The following FAH variants were observed in gnomAD, a reference collection of about 807,000 sequenced individuals.
FAH encodes the protein fumarylacetoacetase.
FAH carries 47 observed loss-of-function variants against 55.8 expected under a neutral mutation model. The ratio of observed to expected loss-of-function variants is 0.84; its 90% CI spans 0.67 to 1.07. The LOEUF (loss-of-function observed/expected upper bound fraction) is 1.07. FAH is among the 50% of genes least tolerant of loss of function. FAH has a pLI of 0.00. For missense variants in FAH, 495 were observed against 545.9 expected (o/e 0.91, Z 0.93); for synonymous variants, 199 against 207.7 (o/e 0.96, Z 0.36).
intron 1 of FAH, among the ~76,000 whole-genome samples, chr15:80,155,723 G>T (rs192946349): frequency 4.9e-4 from 75 of 152,244 alleles, no homozygotes; most frequent in African/African-American, 1.6e-3. Flanking sequence ...GACAAGGGGG[G>T]CAGGGTAGGG....
intron 10 of FAH, among the ~76,000 whole-genome samples, chr15:80,176,340 CTCTG>C (rs1418573487): frequency 6.6e-6 from 1 of 152,170 alleles, no homozygotes; most frequent in Non-Finnish European, 1.5e-5. Context: ...CTTCTGTCTG[CTCTG>C]TCTGTACACT....
At chr15:80,159,947 G>A in intron 3 of FAH, 70 bp downstream of exon 3, 3 of 1,568,850 alleles carry the variant, frequency 1.9e-6, no homozygotes, top group Non-Finnish European at 2.6e-6. Flanking sequence ...GTGGTTATCA[G>A]TGCCATTCTG....
At chr15:80,155,187 T>C (rs1262663480) in intron 1 of FAH, among the ~76,000 whole-genome samples, 1 of 152,170 alleles carries the variant, frequency 6.6e-6, no homozygotes, top group Non-Finnish European at 1.5e-5. Flanking sequence ...CCAGCCTTGG[T>C]TATCTCTCAC....
intron 2 of FAH, among the ~76,000 whole-genome samples, 190 bp from the exon 3 acceptor site, chr15:80,159,566 C>T (rs576360356): frequency 4.6e-5 from 7 of 152,280 alleles, no homozygotes; most frequent in South Asian, 2.1e-4. Context: ...CCTGAGGCAA[C>T]GTCAAGAGAG....
intron 5 of FAH, chr15:80,167,130 A>C (rs963156467): frequency 6.7e-5 from 10 of 150,290 alleles, no homozygotes; most frequent in African/African-American, 2.4e-4. Context: ...ATTTCCTTTT[A>C]TGTGTGAGGT....
Position 80,162,188 on chromosome 15 carries a change from C to A in FAH, c.365-58C>A. On this transcript the variant is annotated intron_variant, in intron 4 of 13. Coordinates refer to ENST00000561421, the MANE Select transcript of FAH (RefSeq NM_000137.4). Reference sequence around the variant, plus strand: ...TCGTGGCTCCAGTGCTTGGAACAGTCCATTCTTCCTGAGGCATGTGGGTTG... The same window carrying A: ...TCGTGGCTCCAGTGCTTGGAACAGTACATTCTTCCTGAGGCATGTGGGTTG... 4.5e-6 allele frequency: 6 copies of A among 1,336,470 alleles called. No individual in the cohort carries two copies. In the East Asian group the frequency reaches 1.1e-4, roughly 25 times the overall value. 82.8% of individuals were successfully genotyped at this position (1,336,470 alleles called of 1,614,324 possible).
upstream of FAH, chr15:80,152,976 G>C: frequency 7.7e-7 from 1 of 1,305,250 alleles, no homozygotes; most frequent in Non-Finnish European, 1.1e-6. Flanking sequence ...GCGGGGCCGG[G>C]CCTGACCACA....
At chr15:80,175,133 A>ACACATTGCCTCAG in intron 10 of FAH, 42 bp downstream of exon 10, 1 of 1,561,788 alleles carries the variant, frequency 6.4e-7, no homozygotes, top group Non-Finnish European at 8.8e-7. Context: ...GCTCTGAGGC[A>ACACATTGCCTCAG]ATGTGTGCCT....
intron 9 of FAH, among the ~76,000 whole-genome samples, chr15:80,174,028 C>A (rs1490990670): frequency 6.6e-6 from 1 of 152,214 alleles, no homozygotes; most frequent in Non-Finnish European, 1.5e-5. Flanking sequence ...GTGCTACAAA[C>A]AACCCTGAGG....
At chr15:80,161,885 T>C in intron 4 of FAH, among the ~76,000 whole-genome samples, 1 of 151,764 alleles carries the variant, frequency 6.6e-6, no homozygotes, top group East Asian at 1.9e-4. Context: ...AAGGGAGAAG[T>C]CAATCAGTAT....
chr15:80,169,873 G>A (rs1198030075), intron 7 of FAH, among the ~76,000 whole-genome samples: 2 of 152,166 alleles, frequency 1.3e-5, no homozygotes, highest in Non-Finnish European at 2.9e-5. Flanking sequence ...TTATTTTGAG[G>A]TCATTGTAGA....
In FAH at chr15:80,165,179, T is replaced by A. The variant is rs1017454619; in HGVS notation, c.455+2843T>A. On this transcript the variant is annotated intron_variant, in intron 5 of 13. Transcript: ENST00000561421. ...AGGCTGAGGTGGGTGGATCACAAGG[T>A]CAGGAGTTTGAGACCAGCCTGGCCA... Among the ~76,000 whole-genome samples the A allele has an allele frequency of 2.0e-5, 3 of 151,926 alleles. No individual in the cohort carries two copies. In the East Asian group the frequency reaches 5.8e-4, roughly 29 times the overall value.
intron 10 of FAH, among the ~76,000 whole-genome samples, chr15:80,176,165 C>T (rs1227677036): frequency 6.6e-6 from 1 of 152,044 alleles, no homozygotes; most frequent in Non-Finnish European, 1.5e-5. Flanking sequence ...TACAGGCATG[C>T]GCCACCATGC....
chr15:80,183,121 C>T (rs984360559), intron 13 of FAH, among the ~76,000 whole-genome samples: 6 of 152,136 alleles, frequency 3.9e-5, no homozygotes, highest in African/African-American at 1.4e-4. Context: ...GTGTATACAA[C>T]GCCTTACTCC....
intron 11 of FAH, among the ~76,000 whole-genome samples, chr15:80,178,587 AT>A (rs143350647): frequency 0.055 from 7,908 of 143,442 alleles, 253 homozygotes; most frequent in East Asian, 0.087. Context: ...AACTGACTTA[AT>A]TTTTTTTTTT....
In FAH at chr15:80,173,127, G is replaced by C. The variant is rs775156172; in HGVS notation, c.820G>C (p.Val274Leu). Reference sequence around the variant, plus strand: ...CATGGATGCTCTCATGCCCTTTGCTGTGCCCAACCCGAAGCAGGTAAGCAC... The same window carrying C: ...CATGGATGCTCTCATGCCCTTTGCTCTGCCCAACCCGAAGCAGGTAAGCAC... The part of the protein sequence containing the change: ...VPMDALMPFA[V>L]PNPKQDPRPL... The change falls in exon 9 of 14, where the codon GTG becomes CTG. Residue 274 changes from valine (V) to leucine (L), a missense_variant. Transcript: ENST00000561421. The C allele has an allele frequency of 1.6e-5, 26 of 1,614,106 alleles. No homozygotes were observed. In the South Asian group the frequency reaches 2.6e-4, roughly 16 times the overall value.
chr15:80,172,204 C>G lies in FAH; in HGVS notation c.662C>G (p.Ala221Gly). The change falls in exon 8 of 14, where the codon GCC becomes GGC. Residue 221 changes from alanine (A) to glycine (G), a missense_variant. Ala to Gly is a moderately conservative substitution (Grantham distance 60). Coordinates refer to ENST00000561421, the MANE Select transcript of FAH (RefSeq NM_000137.4). ...GGAGAGCCGATCCCCATTTCCAAGG[C>G]CCATGAGCACATTTTTGGAATGGTC... is the stretch of plus-strand genomic sequence containing the variant. ...RLGEPIPISKAHEHIFGMVLM... is the reference protein window; with the variant it reads ...RLGEPIPISKGHEHIFGMVLM... 6.2e-7 allele frequency: 1 copy of G among 1,614,070 alleles called. No homozygotes were observed. The highest frequency in any genetic ancestry group is 1.1e-5 in the South Asian group (1 of 91,072).
At chr15:80,154,578 T>C (rs911603101) in intron 1 of FAH, among the ~76,000 whole-genome samples, 1 of 152,220 alleles carries the variant, frequency 6.6e-6, no homozygotes, top group Non-Finnish European at 1.5e-5. Flanking sequence ...TCTGCAGGCA[T>C]TGGACATTCC....
rs762404387 is a variant in FAH, at chr15:80,180,164, C to G, written c.1001C>G (p.Ser334Cys). ...ATGCTGCAGCAGCTCACTCACCACT[C>G]TGTCAACGGCTGCAACCTGCGGCCG... Reference protein sequence around the residue: ...WTMLQQLTHHSVNGCNLRPGD... With the variant: ...WTMLQQLTHHCVNGCNLRPGD... The change falls in exon 12 of 14, where the codon TCT (serine) becomes TGT (cysteine). Residue 334 changes from serine to cysteine, a missense_variant. Coordinates refer to ENST00000561421, the MANE Select transcript of FAH (RefSeq NM_000137.4). 4 of 1,610,824 alleles carry G rather than the reference C, an allele frequency of 2.5e-6. No individual in the cohort carries two copies. Among genetic ancestry groups the G allele is most frequent in the Non-Finnish European group, 2.5e-6 (3 of 1,179,980 alleles).
Sources: allele counts gnomAD v4.1 joint callset (sites outside exome capture counted in the v4.1 genomes callset), GRCh38; gene constraint gnomAD v4.1.1; transcripts MANE v1.5; gene names NCBI Gene and HGNC (gene_info 2026-07-23, HGNC 2026-07-21).